GALC: variants seen among roughly 807,000 people sequenced by gnomAD.
The protein encoded by GALC is galactocerebrosidase.
In GALC, 77 loss-of-function variants were observed where a neutral mutation model predicts 91.8. The observed-to-expected ratio is 0.84, with a 90% CI of 0.70 to 1.01. The LOEUF (loss-of-function observed/expected upper bound fraction) is 1.01. GALC is among the 50% of genes least tolerant of loss of function. The probability of loss-of-function intolerance (pLI) is 0.00; values close to 1 mark genes in which losing one functional copy is unlikely to be tolerated. For synonymous variants in GALC, 357 were observed against 306.7 expected, an observed-to-expected ratio of 1.16 and a Z score of -1.71; for missense variants, 882 against 855.9, an observed-to-expected ratio of 1.03 and a Z score of -0.38.
Position 87,933,711 on chromosome 14 carries a change from T to C in GALC, c.*1021A>G. 1 of 383,208 alleles carries C rather than the reference T, an allele frequency of 2.6e-6. No individual in the cohort carries two copies. The allele number at this position is 383,208 out of a possible 1,614,324, so 23.7% of individuals were successfully genotyped here. ...GATTTGCTACATAGAGCCACATTAA[T>C]GCTTAGTATAAATCATACAACATGA... On this transcript the variant is annotated 3_prime_UTR_variant, in exon 17 of 17. Coordinates refer to ENST00000261304, the MANE Select transcript of GALC (RefSeq NM_000153.4).
chr14:87,958,249 G>C (rs991331544), intron 10 of GALC, among the ~76,000 whole-genome samples: 2 of 152,112 alleles, frequency 1.3e-5, no homozygotes, highest in African/African-American at 4.8e-5. Flanking sequence ...AAAGGAGAAA[G>C]GGAACAGAGC....
intron 1 of GALC, chr14:87,992,326 C>A: frequency 6.5e-7 from 1 of 1,535,722 alleles, no homozygotes; most frequent in Non-Finnish European, 8.7e-7. Flanking sequence ...CACCATGAAG[C>A]CCATGGGCCC....
At chr14:87,986,626 G>T in intron 3 of GALC, 24 bp from the exon 4 acceptor site, 1 of 1,451,376 alleles carries the variant, frequency 6.9e-7, no homozygotes, top group Non-Finnish European at 9.7e-7. Flanking sequence ...AGCAAAAACG[G>T]AAGTAATGAT....
chr14:87,961,209 G>C (rs571724098), intron 10 of GALC, among the ~76,000 whole-genome samples: 2 of 152,128 alleles, frequency 1.3e-5, no homozygotes, highest in African/African-American at 4.8e-5. Context: ...CACATGAAAA[G>C]ATCCCCACAT....
At chr14:87,952,970 C>A in intron 10 of GALC, 1 of 951,266 alleles carries the variant, frequency 1.1e-6, no homozygotes, top group Non-Finnish European at 1.7e-6. Flanking sequence ...GTGGTCAGAA[C>A]TTTCACTCAA....
chr14:87,965,374 A>T, intron 9 of GALC, 131 bp downstream of exon 9: 1 of 983,144 alleles, frequency 1.0e-6, no homozygotes, highest in Non-Finnish European at 1.6e-6. Context: ...ACACTGGCAA[A>T]TCTTGCTTAA....
intron 5 of GALC, among the ~76,000 whole-genome samples, chr14:87,982,753 C>A (rs1363616792): frequency 1.3e-5 from 2 of 152,256 alleles, no homozygotes; most frequent in East Asian, 3.9e-4. Context: ...ATATATACAT[C>A]TATTAGGTTT....
chr14:87,965,728 A>T (rs1886020676), intron 8 of GALC, 99 bp from the exon 9 acceptor site: 2 of 1,112,832 alleles, frequency 1.8e-6, no homozygotes, highest in African/African-American at 1.6e-5. Context: ...AGTAATACAC[A>T]TCTACATAAA....
At chr14:87,959,321 A>G (rs1195914876) in intron 10 of GALC, among the ~76,000 whole-genome samples, 2 of 152,084 alleles carry the variant, frequency 1.3e-5, no homozygotes, top group Non-Finnish European at 2.9e-5. Flanking sequence ...ACAAAAGAAA[A>G]CAAGTGTTGG....
At chr14:87,952,427 GT>G in intron 10 of GALC, 1 of 442,906 alleles carries the variant, frequency 2.3e-6, no homozygotes, top group Non-Finnish European at 4.2e-6. Context: ...AATAATGGAG[GT>G]TTTGGTGAAA....
chr14:87,941,021 G>A (rs898972838), intron 15 of GALC, among the ~76,000 whole-genome samples: 1 of 151,828 alleles, frequency 6.6e-6, no homozygotes. Flanking sequence ...TATTTCTATA[G>A]GTACAGCAGC....
Position 87,993,015 on chromosome 14 carries a change from C to G in GALC, c.150G>C (p.Gly50=), listed in dbSNP as rs938908097. ...CGATGCCGTCGAACTCCCGGCCCAG[C>G]CCGTCGGAGTCGTCGAGCACGTACG... The part of the protein sequence containing the change: ...GGAYVLDDSD[G]LGREFDGIGA... Residue 50 remains glycine (G), a synonymous_variant, in exon 1 of 17, where the codon GGG becomes GGC. Coordinates refer to ENST00000261304, the MANE Select transcript of GALC (RefSeq NM_000153.4). The G allele has an allele frequency of 6.5e-7, 1 of 1,544,744 alleles. No individual in the cohort carries two copies. Among genetic ancestry groups the G allele is most frequent in the Admixed American group, 1.9e-5 (1 of 52,834 alleles).
chr14:87,957,908 A>C (rs1427406499), intron 10 of GALC, among the ~76,000 whole-genome samples: 1 of 152,188 alleles, frequency 6.6e-6, no homozygotes, highest in Non-Finnish European at 1.5e-5. Context: ...GGAAGAATCA[A>C]TATTGTGAAA....
chr14:87,952,671 T>C, intron 10 of GALC: 1 of 1,524,928 alleles, frequency 6.6e-7, no homozygotes. Flanking sequence ...TCTTGAAAAC[T>C]ATGAAGTCCC....
chr14:87,960,707 C>G (rs1885766529), intron 10 of GALC, among the ~76,000 whole-genome samples: 1 of 151,936 alleles, frequency 6.6e-6, no homozygotes, highest in East Asian at 1.9e-4. Context: ...AACAAGGATG[C>G]CAAGACAATT....
At chr14:87,937,679 CAGGATGTGAGGCAAGA>C (rs1884640629) in intron 16 of GALC, among the ~76,000 whole-genome samples, 1 of 151,584 alleles carries the variant, frequency 6.6e-6, no homozygotes. Context: ...GAAGAAGGAA[CAGGATGTGAGGCAAGA>C]TGCCTCACAT....
At chr14:87,971,409 C>T (rs1886287719) in intron 7 of GALC, among the ~76,000 whole-genome samples, 1 of 152,122 alleles carries the variant, frequency 6.6e-6, no homozygotes, top group African/African-American at 2.4e-5. Flanking sequence ...ATTAGGAGAT[C>T]AAACCCAATA....
Position 87,945,566 on chromosome 14 carries a change from C to T in GALC, c.1657G>A (p.Gly553Arg), listed in dbSNP as rs748573754. The T allele has an allele frequency of 3.7e-6, 6 of 1,601,522 alleles. No homozygotes were observed. The highest frequency in any genetic ancestry group is 5.1e-6 in the Non-Finnish European group (6 of 1,168,880). ...CATCAATCTTACCAGTTGTAGTCTC[C>T]TATAATACTGATTGTGTTGGATGCA... ...ADASNTISII[G>R]DYNWTNLTIK... Residue 553 changes from glycine to arginine, a missense_variant, in exon 14 of 17, where the codon GGA becomes AGA. Coordinates refer to ENST00000261304, the MANE Select transcript of GALC (RefSeq NM_000153.4).
At chr14:87,941,903 AG>A (rs1287689366) in intron 14 of GALC, among the ~76,000 whole-genome samples, 1 of 152,046 alleles carries the variant, frequency 6.6e-6, no homozygotes, top group Non-Finnish European at 1.5e-5. Context: ...CACATTAAAA[AG>A]TAAAAAGTTC....
Sources: gnomAD v4.1 joint callset for allele counts (sites outside exome capture counted in the v4.1 genomes callset) on GRCh38, gnomAD v4.1.1 for gene constraint, MANE v1.5 for transcripts, NCBI Gene and HGNC (gene_info 2026-07-23, HGNC 2026-07-21) for gene names.